The following PUM3 variants were observed in gnomAD, a reference collection of about 807,000 sequenced individuals.
The protein encoded by PUM3 is pumilio homolog 3.
A neutral mutation model predicts 84.0 loss-of-function variants in PUM3; 91 were observed. The observed-to-expected ratio is 1.08, with a 90% CI of 0.91 to 1.29. PUM3 has a LOEUF of 1.29. Among genes scored for constraint, PUM3 ranks in the 50% most tolerant of loss-of-function variants. PUM3 has a pLI of 0.00. For missense variants in PUM3, 1,067 were observed against 767.5 expected (o/e 1.39, Z -4.61); for synonymous variants, 321 against 266.7 (o/e 1.20, Z -1.98).
intron 8 of PUM3, among the ~76,000 whole-genome samples, chr9:2,829,086 A>G (rs189557926): frequency 6.6e-6 from 1 of 152,196 alleles, no homozygotes; most frequent in South Asian, 2.1e-4. Context: ...TTGCCACCAT[A>G]TGTTTTATAA....
At chr9:2,816,481 T>C (rs546422740) in intron 13 of PUM3, among the ~76,000 whole-genome samples, 24 of 152,350 alleles carry the variant, frequency 1.6e-4, no homozygotes, top group African/African-American at 5.8e-4. Flanking sequence ...ACTGTATCCT[T>C]CAAAATGGTT....
At chr9:2,808,539 T>A (rs1328971315) in intron 16 of PUM3, among the ~76,000 whole-genome samples, 2 of 152,180 alleles carry the variant, frequency 1.3e-5, no homozygotes, top group East Asian at 1.9e-4. Flanking sequence ...TAGCTAAGAT[T>A]TAGTGCAGAT....
Position 2,838,480 on chromosome 9 carries a change from T to G in PUM3, c.28A>C (p.Thr10Pro), listed in dbSNP as rs1318633136. The G allele has an allele frequency of 1.9e-6, 3 of 1,613,540 alleles. No individual in the cohort carries two copies. Among genetic ancestry groups the G allele is most frequent in the Non-Finnish European group, 2.5e-6 (3 of 1,179,680 alleles). The change falls in exon 2 of 18, where the codon ACA becomes CCA. Residue 10 changes from threonine (T) to proline (P), a missense_variant. Physicochemically the swap from Thr to Pro is conservative, Grantham distance 38 (BLOSUM62 -1). Transcript: ENST00000397885. Reference sequence around the variant, plus strand: ...TGTGCTGTCTTTGTACTCTTTCCTGTGAATTGCTTTTTCCCTTTAACTTCC... The same window carrying G: ...TGTGCTGTCTTTGTACTCTTTCCTGGGAATTGCTTTTTCCCTTTAACTTCC... MEVKGKKQFTGKSTKTAQEK... is the reference protein window; with the variant it reads MEVKGKKQFPGKSTKTAQEK...
In PUM3 at chr9:2,840,060, G is replaced by C. The variant is rs1158816756; in HGVS notation, c.-10-1543C>G. 2.0e-5 allele frequency among the ~76,000 whole-genome samples: 3 copies of C among 152,100 alleles called. No individual in the cohort carries two copies. The South Asian group carries it at 6.2e-4, about 32-fold the overall frequency. ...TATTTTGTAGAATATTCCTCATTTG[G>C]GGTTTGCCTGATGTTTTCTCATGAT... is the stretch of plus-strand genomic sequence containing the variant. On this transcript the variant is annotated intron_variant, in intron 1 of 17. Transcript: ENST00000397885.
intron 3 of PUM3, 57 bp downstream of exon 3, chr9:2,837,123 A>G: frequency 6.9e-7 from 1 of 1,440,578 alleles, no homozygotes; most frequent in East Asian, 2.3e-5. Flanking sequence ...GCACCTCCAG[A>G]GTCCCTGTGC....
intron 13 of PUM3, among the ~76,000 whole-genome samples, chr9:2,815,875 T>C (rs1041065143): frequency 6.6e-6 from 1 of 152,176 alleles, no homozygotes; most frequent in Non-Finnish European, 1.5e-5. Context: ...AGCTCTAAAG[T>C]AGGCATGTAA....
intron 3 of PUM3, among the ~76,000 whole-genome samples, chr9:2,835,419 A>G (rs527310294): frequency 6.6e-6 from 1 of 152,282 alleles, no homozygotes; most frequent in East Asian, 1.9e-4. Flanking sequence ...GACCCTCAAA[A>G]AAGAAAAAAA....
chr9:2,812,417 T>C, intron 13 of PUM3, 55 bp from the exon 14 acceptor site: 1 of 1,207,486 alleles, frequency 8.3e-7, no homozygotes, highest in Non-Finnish European at 1.2e-6. Context: ...CAAAACAAAG[T>C]ACCACAGGAC....
intron 12 of PUM3, among the ~76,000 whole-genome samples, chr9:2,821,444 A>C (rs1815621654): frequency 1.0e-5 from 1 of 97,734 alleles, no homozygotes; most frequent in South Asian, 3.6e-4. Context: ...ACTCTGTCTC[A>C]AAAAAAAAAA....
chr9:2,839,321 C>T (rs1344160069), intron 1 of PUM3, among the ~76,000 whole-genome samples: 2 of 152,140 alleles, frequency 1.3e-5, no homozygotes. Context: ...CTGTAAACAA[C>T]AGATGTTAGG....
At chr9:2,833,684 T>TA (rs960592440) in intron 4 of PUM3, among the ~76,000 whole-genome samples, 2 of 141,260 alleles carry the variant, frequency 1.4e-5, no homozygotes, top group African/African-American at 5.0e-5. Context: ...ACTTCAGAAG[T>TA]AAAAAAAATA....
intron 7 of PUM3, 109 bp downstream of exon 7, chr9:2,830,853 A>T (rs1325754260): frequency 1.5e-6 from 1 of 647,072 alleles, no homozygotes; most frequent in Non-Finnish European, 2.8e-6. Flanking sequence ...GAGAGCCATT[A>T]CTATTACTTA....
At chr9:2,813,465 G>A (rs1821410020) in intron 13 of PUM3, among the ~76,000 whole-genome samples, 1 of 152,174 alleles carries the variant, frequency 6.6e-6, no homozygotes, top group South Asian at 2.1e-4. Context: ...AACTGGCCAG[G>A]TTTACAGATG....
chr9:2,829,124 C>T (rs965335480), intron 8 of PUM3, among the ~76,000 whole-genome samples: 5 of 152,160 alleles, frequency 3.3e-5, no homozygotes, highest in African/African-American at 7.2e-5. Flanking sequence ...TTAAATATAA[C>T]GAACTGTTAA....
In PUM3 at chr9:2,810,363, C is replaced by A; in HGVS notation, c.1704G>T (p.Met568Ile). The A allele has an allele frequency of 6.2e-7, 1 of 1,608,040 alleles. No individual in the cohort carries two copies. Among genetic ancestry groups the A allele is most frequent in the Non-Finnish European group, 8.5e-7 (1 of 1,175,378 alleles). ...GCCTACCTTCTCTCCCATTTTCTTTCATCTTTTTATCTTGCTCTATTAACC... is the reference window on the plus strand; with the variant it reads ...GCCTACCTTCTCTCCCATTTTCTTTAATCTTTTTATCTTGCTCTATTAACC... Reference protein sequence around the residue: ...LKWLIEQDKKMKENGREGCFA... With the variant: ...LKWLIEQDKKIKENGREGCFA... Residue 568 changes from methionine to isoleucine, a missense_variant, in exon 16 of 18, where the codon ATG becomes ATT. Met to Ile is a conservative substitution (Grantham distance 10, BLOSUM62 1). Transcript: ENST00000397885.
At chr9:2,840,864 G>C (rs77778482) in intron 1 of PUM3, among the ~76,000 whole-genome samples, 1,606 of 152,302 alleles carry the variant, frequency 0.011, 30 homozygotes, top group African/African-American at 0.037. Flanking sequence ...CATTGAGAAT[G>C]GTATTTAAAA....
chr9:2,843,871 C>G (rs908837637), intron 1 of PUM3, among the ~76,000 whole-genome samples, 174 bp downstream of exon 1: 2 of 151,848 alleles, frequency 1.3e-5, no homozygotes, highest in African/African-American at 4.8e-5. Context: ...AGCCACCGCG[C>G]CCGGCCAGTC....
chr9:2,834,001 A>G, intron 4 of PUM3, 30 bp downstream of exon 4: 1 of 1,607,578 alleles, frequency 6.2e-7, no homozygotes, highest in Non-Finnish European at 8.5e-7. Context: ...TTGCAAAGGG[A>G]CTAACAAAGG....
At chr9:2,840,707 C>A in intron 1 of PUM3, among the ~76,000 whole-genome samples, 1 of 152,206 alleles carries the variant, frequency 6.6e-6, no homozygotes, top group Non-Finnish European at 1.5e-5. Flanking sequence ...TCTCAGGTTG[C>A]TTCTGTGTCC....
Sources: allele counts gnomAD v4.1 joint callset (sites outside exome capture counted in the v4.1 genomes callset), GRCh38; gene constraint gnomAD v4.1.1; transcripts MANE v1.5; gene names NCBI Gene and HGNC (gene_info 2026-07-23, HGNC 2026-07-21).